The following ANK2 variants were observed in gnomAD, a reference collection of about 807,000 sequenced individuals.
ANK2 encodes the protein ankyrin-2.
Under a neutral mutation model 360.5 loss-of-function variants are expected in ANK2, and 83 were observed. That is an observed-to-expected ratio of 0.23 (90% CI 0.19 to 0.28). The LOEUF (loss-of-function observed/expected upper bound fraction) is 0.28. Ranked by LOEUF, ANK2 falls within the 10% of genes least tolerant of loss-of-function variation. The pLI is 1.00. For missense variants in ANK2, 4,201 were observed against 4,795.7 expected, an observed-to-expected ratio of 0.88 and a Z score of 3.66; for synonymous variants, 1,740 against 1,759.5, an observed-to-expected ratio of 0.99 and a Z score of 0.28.
At chr4:112,847,918 A>T (rs1044522636) in intron 1 of ANK2, among the ~76,000 whole-genome samples, 1 of 152,114 alleles carries the variant, frequency 6.6e-6, no homozygotes, top group Non-Finnish European at 1.5e-5. Flanking sequence ...GTCACAGTGC[A>T]TTGCTTGCTT....
chr4:112,740,707 A>G, the ANK2 span, among the ~76,000 whole-genome samples: 1 of 151,944 alleles, frequency 6.6e-6, no homozygotes, highest in Admixed American at 6.6e-5. Context: ...ATCTCAAAAA[A>G]GAAGAAAAAA....
intron 36 of ANK2, among the ~76,000 whole-genome samples, chr4:113,349,656 T>A (rs1409845642): frequency 6.6e-6 from 1 of 152,140 alleles, no homozygotes; most frequent in African/African-American, 2.4e-5. Context: ...ACCCTACCAC[T>A]ACAGCTGTTA....
intron 38 of ANK2, among the ~76,000 whole-genome samples, chr4:113,360,094 C>G (rs1478947524): frequency 6.6e-6 from 1 of 152,078 alleles, no homozygotes; most frequent in Non-Finnish European, 1.5e-5. Flanking sequence ...TGAGGTTATA[C>G]AAACTTTCCT....
At chr4:112,833,506 G>GCA (rs1553933889) in intron 1 of ANK2, among the ~76,000 whole-genome samples, 5 of 94,178 alleles carry the variant, frequency 5.3e-5, no homozygotes, top group Non-Finnish European at 7.6e-5. Context: ...AATGATTTAT[G>GCA]TATTTTTTTT....
intron 24 of ANK2, among the ~76,000 whole-genome samples, chr4:113,314,639 C>T (rs544548858): frequency 6.6e-6 from 1 of 152,252 alleles, no homozygotes; most frequent in East Asian, 1.9e-4. Flanking sequence ...TGAACAATTT[C>T]TGATCCAAGG....
intron 13 of ANK2, among the ~76,000 whole-genome samples, chr4:113,263,585 A>G (rs1296559768): frequency 1.3e-5 from 2 of 152,212 alleles, no homozygotes; most frequent in Non-Finnish European, 2.9e-5. Context: ...TATGTGCCAA[A>G]TTAAAGTTCA....
At chr4:112,862,858 T>A (rs1446367575) in intron 1 of ANK2, among the ~76,000 whole-genome samples, 1 of 152,048 alleles carries the variant, frequency 6.6e-6, no homozygotes, top group Non-Finnish European at 1.5e-5. Context: ...GAGTCCAGCC[T>A]GGGTAACATA....
intron 42 of ANK2, 108 bp from the exon 43 acceptor site, chr4:113,369,406 G>C: frequency 8.5e-7 from 1 of 1,170,104 alleles, no homozygotes; most frequent in Non-Finnish European, 1.3e-6. Context: ...TATTTTGACT[G>C]TCATAGACTA....
chr4:112,966,986 A>G (rs1704075155), intron 2 of ANK2, among the ~76,000 whole-genome samples: 1 of 152,114 alleles, frequency 6.6e-6, no homozygotes, highest in Non-Finnish European at 1.5e-5. Context: ...TTGGTATAAG[A>G]GTGATTTTGG....
chr4:112,758,080 T>A, the ANK2 span, among the ~76,000 whole-genome samples: 1 of 149,660 alleles, frequency 6.7e-6, no homozygotes, highest in Non-Finnish European at 1.5e-5. Context: ...ATTTTGTATT[T>A]TTTTTTTTTA....
At chr4:113,378,182 G>A (rs180914830) in intron 45 of ANK2, 95 of 1,255,584 alleles carry the variant, frequency 7.6e-5, no homozygotes, top group Admixed American at 1.4e-4. Context: ...TAATTAAAAG[G>A]TTTGGGTTAG....
At chr4:113,262,929 C>T (rs1350035642) in intron 13 of ANK2, among the ~76,000 whole-genome samples, 1 of 151,792 alleles carries the variant, frequency 6.6e-6, no homozygotes, top group Non-Finnish European at 1.5e-5. Context: ...GTGGCTCACA[C>T]CTGTAATCCC....
At chr4:113,095,387 C>T (rs2090546305) in intron 1 of ANK2, among the ~76,000 whole-genome samples, 1 of 152,108 alleles carries the variant, frequency 6.6e-6, no homozygotes, top group African/African-American at 2.4e-5. Flanking sequence ...AACTCTAAAA[C>T]TGTACCTATA....
chr4:112,991,236 C>A (rs1333954045), intron 2 of ANK2, among the ~76,000 whole-genome samples: 464 of 122,150 alleles, frequency 3.8e-3, no homozygotes, highest in Non-Finnish European at 4.2e-3. Flanking sequence ...GACAGAGCCT[C>A]AAAAAAAAAA....
At chr4:112,800,213 C>A in the ANK2 span, among the ~76,000 whole-genome samples, 1 of 152,168 alleles carries the variant, frequency 6.6e-6, no homozygotes, top group African/African-American at 2.4e-5. Context: ...GCTGAGTCAG[C>A]AGGATATGAT....
At chr4:113,009,362 A>G (rs1212478577) in intron 2 of ANK2, among the ~76,000 whole-genome samples, 1 of 152,082 alleles carries the variant, frequency 6.6e-6, no homozygotes, top group Non-Finnish European at 1.5e-5. Context: ...TTCTCTATAT[A>G]TTTTCTCATT....
At chr4:112,983,509 T>G (rs189973364) in intron 2 of ANK2, among the ~76,000 whole-genome samples, 52 of 151,796 alleles carry the variant, frequency 3.4e-4, no homozygotes, top group African/African-American at 1.1e-3. Context: ...AAACCCTGTC[T>G]CTACTAAAAA....
intron 1 of ANK2, among the ~76,000 whole-genome samples, chr4:113,161,900 C>A (rs2097549976): frequency 6.6e-6 from 1 of 152,116 alleles, no homozygotes; most frequent in Non-Finnish European, 1.5e-5. Context: ...GAAGCGAAAT[C>A]CAGTGTCTAC....
the ANK2 span, among the ~76,000 whole-genome samples, chr4:112,725,493 T>A: frequency 6.7e-6 from 1 of 150,194 alleles, no homozygotes; most frequent in Admixed American, 6.7e-5. Flanking sequence ...CCCGAGTAGC[T>A]GGGACTACAG....
Sources: allele counts gnomAD v4.1 joint callset (sites outside exome capture counted in the v4.1 genomes callset), GRCh38; gene constraint gnomAD v4.1.1; transcripts MANE v1.5; gene names NCBI Gene and HGNC (gene_info 2026-07-23, HGNC 2026-07-21).